The following ETV5 variants were observed in gnomAD, a reference collection of about 807,000 sequenced individuals.
The protein encoded by ETV5 is ETS translocation variant 5.
ETV5 carries 10 observed loss-of-function variants against 70.0 expected under a neutral mutation model. That is an observed-to-expected ratio of 0.14 (90% CI 0.09 to 0.24). The LOEUF (loss-of-function observed/expected upper bound fraction) is 0.24, where lower values mean the gene tolerates loss of function less well. ETV5 is among the 10% of genes least tolerant of loss of function. The probability of loss-of-function intolerance (pLI) is 1.00; values close to 1 mark genes in which losing one functional copy is unlikely to be tolerated. For synonymous variants in ETV5, 216 were observed against 242.2 expected (o/e 0.89, Z 1.01); for missense variants, 453 against 651.2 (o/e 0.70, Z 3.31).
intron 5 of ETV5, among the ~76,000 whole-genome samples, chr3:186,103,307 A>G (rs756666037): frequency 6.6e-6 from 1 of 152,182 alleles, no homozygotes; most frequent in Non-Finnish European, 1.5e-5. Context: ...ACATTTATTG[A>G]TTTCTTCACT....
chr3:186,096,354 C>G (rs1024836284), intron 5 of ETV5, among the ~76,000 whole-genome samples: 1 of 152,286 alleles, frequency 6.6e-6, no homozygotes, highest in Non-Finnish European at 1.5e-5. Flanking sequence ...TTCTATTCTA[C>G]CTTTTCTATG....
intron 5 of ETV5, chr3:186,084,282 T>TA (rs11327778): frequency 0.061 from 13,109 of 215,954 alleles, 5 homozygotes; most frequent in South Asian, 0.081. Flanking sequence ...AAAGAAATGC[T>TA]AAAAAAAAAA....
intron 9 of ETV5, among the ~76,000 whole-genome samples, chr3:186,058,425 G>A (rs540650505): frequency 2.0e-5 from 3 of 152,264 alleles, no homozygotes; most frequent in South Asian, 4.1e-4. Context: ...ATGCCCCAGG[G>A]CTCCTGTCTG....
At chr3:186,082,333 C>T (rs540831809) in intron 5 of ETV5, among the ~76,000 whole-genome samples, 31 of 152,152 alleles carry the variant, frequency 2.0e-4, no homozygotes, top group African/African-American at 7.2e-4. Flanking sequence ...GTAACATTTT[C>T]ATTTTGACTC....
At chr3:186,071,748 C>T (rs889455949) in intron 7 of ETV5, among the ~76,000 whole-genome samples, 2 of 151,742 alleles carry the variant, frequency 1.3e-5, no homozygotes, top group African/African-American at 4.8e-5. Context: ...TTGTGAGTTC[C>T]TTACATGAGG....
intron 7 of ETV5, among the ~76,000 whole-genome samples, chr3:186,074,092 T>A (rs1157258575): frequency 6.6e-6 from 1 of 151,740 alleles, no homozygotes; most frequent in Non-Finnish European, 1.5e-5. Flanking sequence ...TTGAAGACAA[T>A]ATTGTCTGCC....
intron 8 of ETV5, among the ~76,000 whole-genome samples, chr3:186,065,236 T>C (rs766572729): frequency 2.6e-5 from 4 of 151,860 alleles, no homozygotes; most frequent in Non-Finnish European, 5.9e-5. Context: ...TTTAAGGGAG[T>C]GGAGTGGGGT....
Position 186,108,773 on chromosome 3 carries a change from G to A in ETV5, c.-75+167C>T, listed in dbSNP as rs1260617072. On this transcript the variant is annotated intron_variant, in intron 1 of 12. Coordinates refer to ENST00000306376, the MANE Select transcript of ETV5 (RefSeq NM_004454.3). ...CGCCTCCCAGGAACCAAACCGGACC[G>A]GGCCGCGGGGGGAGGGGGCGGTCAA... is the stretch of plus-strand genomic sequence containing the variant. 3 of 586,234 alleles carry A rather than the reference G, an allele frequency of 5.1e-6. No individual in the cohort carries two copies. In the East Asian group the frequency reaches 3.4e-4, roughly 67 times the overall value. 36.3% of individuals were successfully genotyped at this position (586,234 alleles called of 1,614,324 possible).
At chr3:186,101,027 A>G (rs1482181869) in intron 5 of ETV5, among the ~76,000 whole-genome samples, 1 of 152,182 alleles carries the variant, frequency 6.6e-6, no homozygotes, top group Non-Finnish European at 1.5e-5. Flanking sequence ...CCGACTTTGA[A>G]ACACTCTTGA....
intron 7 of ETV5, 151 bp downstream of exon 7, chr3:186,079,666 G>T: frequency 1.4e-6 from 1 of 718,746 alleles, no homozygotes; most frequent in Non-Finnish European, 2.2e-6. Flanking sequence ...AGTCATATTC[G>T]TATTATCATT....
chr3:186,049,398 G>A (rs577968601), intron 12 of ETV5, among the ~76,000 whole-genome samples: 1 of 152,296 alleles, frequency 6.6e-6, no homozygotes, highest in South Asian at 2.1e-4. Context: ...CTGCTACACT[G>A]AGGGAACCGC....
intron 7 of ETV5, among the ~76,000 whole-genome samples, chr3:186,070,970 C>G (rs1274620825): frequency 6.6e-6 from 1 of 152,216 alleles, no homozygotes; most frequent in Non-Finnish European, 1.5e-5. Context: ...ACTTCTGACT[C>G]CGAATAAGCC....
intron 12 of ETV5, among the ~76,000 whole-genome samples, chr3:186,049,421 T>C (rs1439158360): frequency 6.6e-6 from 1 of 152,242 alleles, no homozygotes; most frequent in Non-Finnish European, 1.5e-5. Context: ...ACTACCTTTC[T>C]ATGGGTTTTC....
chr3:186,108,557 C>A, intron 1 of ETV5: 1 of 1,272,072 alleles, frequency 7.9e-7, no homozygotes, highest in Non-Finnish European at 1.0e-6. Flanking sequence ...GGAGCTCCGC[C>A]AAGCGTCTCT....
intron 5 of ETV5, among the ~76,000 whole-genome samples, chr3:186,099,694 G>C (rs1714404100): frequency 6.6e-6 from 1 of 152,140 alleles, no homozygotes; most frequent in Non-Finnish European, 1.5e-5. Flanking sequence ...ATGGGAGACA[G>C]TACACATTTT....
rs1330078914 is a variant in ETV5, at chr3:186,054,198, C to T, written c.1210-2067G>A. Among the ~76,000 whole-genome samples, 1 of 152,222 alleles carries T rather than the reference C, an allele frequency of 6.6e-6. No individual in the cohort carries two copies. Among genetic ancestry groups the T allele is most frequent in the African/African-American group, 2.4e-5 (1 of 41,458 alleles). ...ATGAGGCGGCTCAGCTCCAGAGCAG[C>T]TGGGAATTAGGGCTGCCCCTCTTCT... On this transcript the variant is annotated intron_variant, in intron 11 of 12. Coordinates refer to ENST00000306376, the MANE Select transcript of ETV5 (RefSeq NM_004454.3). The surrounding 1 kb of genome is among the most constrained non-coding windows in gnomAD (Gnocchi z 4.4).
At chr3:186,076,277 G>A (rs1044797427) in intron 7 of ETV5, 2 of 209,934 alleles carry the variant, frequency 9.5e-6, no homozygotes, top group Non-Finnish European at 1.9e-5. Context: ...CATTAAGAAT[G>A]TACTTTTTTC....
At chr3:186,083,161 GTAGA>G (rs1451004097) in intron 5 of ETV5, among the ~76,000 whole-genome samples, 9 of 152,212 alleles carry the variant, frequency 5.9e-5, no homozygotes, top group African/African-American at 2.2e-4. Flanking sequence ...CTCCAACACA[GTAGA>G]TAGTCTGGCA....
intron 9 of ETV5, among the ~76,000 whole-genome samples, chr3:186,061,513 T>C (rs1713303673): frequency 6.6e-6 from 1 of 152,160 alleles, no homozygotes; most frequent in African/African-American, 2.4e-5. Flanking sequence ...TTCTAAAAAG[T>C]CCCAGGTGAA....
Sources: gnomAD v4.1 joint callset for allele counts (sites outside exome capture counted in the v4.1 genomes callset) on GRCh38, gnomAD v4.1.1 for gene constraint, Gnocchi (gnomAD v3.1) non-coding constraint, MANE v1.5 for transcripts, NCBI Gene and HGNC (gene_info 2026-07-23, HGNC 2026-07-21) for gene names.